The following SRPK2 variants were observed in gnomAD, a reference collection of about 807,000 sequenced individuals.
SRPK2 encodes the protein SFRS protein kinase 2.
In SRPK2, 21 loss-of-function variants were observed where a neutral mutation model predicts 90.8. The observed-to-expected ratio is 0.23, with a 90% confidence interval of 0.16 to 0.33. The LOEUF (loss-of-function observed/expected upper bound fraction) is 0.33. Among genes scored for constraint, SRPK2 ranks in the 10% least tolerant of loss-of-function variants. The pLI is 1.00. For synonymous variants in SRPK2, 288 were observed against 311.1 expected (o/e 0.93, Z 0.78); for missense variants, 620 against 869.0 (o/e 0.71, Z 3.60).
chr7:105,126,136 G>C (rs1340433383), intron 15 of SRPK2, 112 bp downstream of exon 15: 1 of 905,198 alleles, frequency 1.1e-6, no homozygotes, highest in Non-Finnish European at 1.7e-6. Flanking sequence ...ATTCTGCTGG[G>C]TTGCGTTTCG....
At chr7:105,253,905 A>C (rs371155368) in intron 2 of SRPK2, among the ~76,000 whole-genome samples, 1 of 48,930 alleles carries the variant, frequency 2.0e-5, no homozygotes, top group African/African-American at 6.6e-5. Context: ...AAAAAAAAAC[A>C]AACAAACAAA....
At chr7:105,250,420 A>G (rs1802326149) in intron 2 of SRPK2, among the ~76,000 whole-genome samples, 1 of 151,994 alleles carries the variant, frequency 6.6e-6, no homozygotes, top group African/African-American at 2.4e-5. Flanking sequence ...AAAAAAAACA[A>G]AAACCTGATG....
At chr7:105,195,842 T>C (rs993834247) in intron 3 of SRPK2, among the ~76,000 whole-genome samples, 2 of 152,242 alleles carry the variant, frequency 1.3e-5, no homozygotes, top group Non-Finnish European at 2.9e-5. Flanking sequence ...TCAGTCACTA[T>C]TCAGCAGGCC....
chr7:105,150,316 C>G (rs1345745561), intron 7 of SRPK2, among the ~76,000 whole-genome samples: 1 of 152,150 alleles, frequency 6.6e-6, no homozygotes, highest in Admixed American at 6.5e-5. Context: ...GCCAGGAGTG[C>G]GAGACCAGCC....
intron 2 of SRPK2, among the ~76,000 whole-genome samples, chr7:105,273,192 G>A (rs572509724): frequency 6.6e-5 from 10 of 151,514 alleles, no homozygotes; most frequent in African/African-American, 2.4e-4. Flanking sequence ...TCCAACCTGG[G>A]TGACAGAGAG....
At position 105,247,531 on chromosome 7, in the gene SRPK2, A is replaced by ACAC. The variant is rs1801851645; in HGVS notation, c.72-43747_72-43746insGTG. The stretch of plus-strand genomic sequence containing the variant: ...ATACCAAAAAACACACACACACATA[A>ACAC]ACACACACACACACACACACACACA... On this transcript the variant is annotated intron_variant, in intron 2 of 15. Transcript: ENST00000393651. 4.8e-5 allele frequency among the ~76,000 whole-genome samples: 7 copies of ACAC among 145,162 alleles called. 1 individual carries two copies. The highest frequency in any genetic ancestry group is 1.8e-4 in the African/African-American group (7 of 39,206).
intron 3 of SRPK2, among the ~76,000 whole-genome samples, chr7:105,196,488 G>A (rs777079321): frequency 6.6e-6 from 1 of 152,156 alleles, no homozygotes; most frequent in Non-Finnish European, 1.5e-5. Context: ...TTTCTGTTAT[G>A]GGTAACTGTC....
At position 105,210,312 on chromosome 7, in the gene SRPK2, A is replaced by G. The variant is rs755900649; in HGVS notation, c.72-6527T>C. Among the ~76,000 whole-genome samples the G allele has an allele frequency of 7.4e-4, 112 of 152,264 alleles. 1 individual carries two copies. The highest frequency in any genetic ancestry group is 1.1e-3 in the Admixed American group (17 of 15,284). On this transcript the variant is annotated intron_variant, in intron 2 of 15. Coordinates refer to ENST00000393651, the MANE Select transcript of SRPK2 (RefSeq NM_182692.3). ...GTTAGTATTTGAGGGACATTCACATAAAGTCAAATTTCATTTTCTTTCCTC... is the reference window on the plus strand; with the variant it reads ...GTTAGTATTTGAGGGACATTCACATGAAGTCAAATTTCATTTTCTTTCCTC...
chr7:105,243,451 C>A (rs766570139), intron 2 of SRPK2, among the ~76,000 whole-genome samples: 2 of 152,050 alleles, frequency 1.3e-5, no homozygotes, highest in African/African-American at 2.4e-5. Flanking sequence ...GCAGACAGAT[C>A]ACCTGAGGTC....
chr7:105,235,190 C>T (rs1799975673), intron 2 of SRPK2, among the ~76,000 whole-genome samples: 1 of 152,062 alleles, frequency 6.6e-6, no homozygotes, highest in African/African-American at 2.4e-5. Flanking sequence ...GCAACGGCTC[C>T]CACCAAAATT....
chr7:105,367,131 C>A (rs1286922079), intron 2 of SRPK2, among the ~76,000 whole-genome samples: 1 of 151,520 alleles, frequency 6.6e-6, no homozygotes, highest in African/African-American at 2.4e-5. Context: ...AAATGCTCCT[C>A]CCACCTGGGT....
intron 2 of SRPK2, among the ~76,000 whole-genome samples, chr7:105,334,812 C>A (rs570385603): frequency 4.3e-4 from 63 of 147,224 alleles, no homozygotes; most frequent in Non-Finnish European, 8.7e-4. Flanking sequence ...TGCACTCCAG[C>A]CTTCCAGCCT....
At chr7:105,146,980 G>A (rs768724910) in intron 7 of SRPK2, among the ~76,000 whole-genome samples, 3 of 152,162 alleles carry the variant, frequency 2.0e-5, no homozygotes, top group Non-Finnish European at 4.4e-5. Flanking sequence ...TGCCACTCCT[G>A]AGACAGCAAG....
At chr7:105,213,735 G>T (rs1033634380) in intron 2 of SRPK2, among the ~76,000 whole-genome samples, 18 of 152,178 alleles carry the variant, frequency 1.2e-4, no homozygotes, top group African/African-American at 4.1e-4. Context: ...TCTGAAGCCA[G>T]CTAGGTGCAG....
At chr7:105,253,894 T>TA (rs954961917) in intron 2 of SRPK2, among the ~76,000 whole-genome samples, 10 of 139,988 alleles carry the variant, frequency 7.1e-5, no homozygotes, top group South Asian at 2.1e-4. Context: ...ATCTTTATTT[T>TA]AAAAAAAAAC....
At chr7:105,151,248 G>A (rs773992335) in intron 7 of SRPK2, among the ~76,000 whole-genome samples, 2 of 152,190 alleles carry the variant, frequency 1.3e-5, no homozygotes, top group African/African-American at 2.4e-5. Context: ...ACAGGGCAGC[G>A]TTAAAAACAT....
intron 3 of SRPK2, among the ~76,000 whole-genome samples, chr7:105,182,450 C>G (rs538770962): frequency 4.5e-5 from 6 of 134,600 alleles, no homozygotes; most frequent in African/African-American, 1.8e-4. Flanking sequence ...TTTCCCCCCC[C>G]GCCTTTTTTT....
intron 2 of SRPK2, among the ~76,000 whole-genome samples, chr7:105,320,035 CA>C (rs1812769578): frequency 1.3e-5 from 2 of 152,022 alleles, no homozygotes; most frequent in Non-Finnish European, 1.5e-5. Context: ...AATAACATTC[CA>C]AATAATAAAA....
At chr7:105,290,660 T>C (rs1808850449) in intron 2 of SRPK2, among the ~76,000 whole-genome samples, 1 of 152,052 alleles carries the variant, frequency 6.6e-6, no homozygotes, top group Admixed American at 6.6e-5. Flanking sequence ...GCAGACTCTG[T>C]CTCAACAAAA....
Sources: gnomAD v4.1 joint callset for allele counts (sites outside exome capture counted in the v4.1 genomes callset) on GRCh38, gnomAD v4.1.1 for gene constraint, MANE v1.5 for transcripts, NCBI Gene and HGNC (gene_info 2026-07-23, HGNC 2026-07-21) for gene names.